The following GNB1 variants were observed in gnomAD, a reference collection of about 807,000 sequenced individuals.
GNB1 encodes the protein G protein subunit beta 1.
Under a neutral mutation model 42.9 loss-of-function variants are expected in GNB1, and 2 were observed. The observed-to-expected ratio is 0.05, with a 90% CI of 0.02 to 0.15. The LOEUF is 0.15. GNB1 is among the 10% of genes least tolerant of loss of function. The pLI is 1.00. For missense variants in GNB1, 193 were observed against 462.2 expected (o/e 0.42, Z 5.34); for synonymous variants, 183 against 174.7 (o/e 1.05, Z -0.38).
intron 1 of GNB1, among the ~76,000 whole-genome samples, chr1:1,873,154 C>T (rs932964180): frequency 6.6e-6 from 1 of 152,138 alleles, no homozygotes; most frequent in Non-Finnish European, 1.5e-5. Flanking sequence ...CCCACCTTGG[C>T]CTCCCAAAGG....
chr1:1,847,408 C>T (rs1040687004), intron 1 of GNB1, among the ~76,000 whole-genome samples: 5 of 151,986 alleles, frequency 3.3e-5, no homozygotes, highest in African/African-American at 9.7e-5. Flanking sequence ...TGGACAAGGC[C>T]CCTGGCCACT....
chr1:1,830,265 AT>A (rs746065828), intron 2 of GNB1, among the ~76,000 whole-genome samples: 2,515 of 143,630 alleles, frequency 0.018, 55 homozygotes, highest in African/African-American at 0.052. Context: ...ATAATATTAC[AT>A]TTTTTTTTTT....
At chr1:1,799,474 G>T (rs565323885) in intron 7 of GNB1, among the ~76,000 whole-genome samples, 1 of 152,288 alleles carries the variant, frequency 6.6e-6, no homozygotes, top group East Asian at 1.9e-4. Flanking sequence ...TCATGGGAAG[G>T]GACTGCTGAA....
chr1:1,891,011 GCTC>G lies in GNB1; in HGVS notation c.-290_-288del. 6.5e-6 allele frequency: 1 copy of G among 152,860 alleles called. No homozygotes were observed. The highest frequency in any genetic ancestry group is 1.4e-5 in the Non-Finnish European group (1 of 69,972). 9.5% of individuals were successfully genotyped at this position (152,860 alleles called of 1,614,324 possible). The stretch of plus-strand genomic sequence containing the variant: ...CGCTCCCCACTCGCCGCCCGCTCCC[GCTC>G]CCGCCGCCGCCGCCGCCGCCTCCGT... On this transcript the variant is annotated 5_prime_UTR_variant, in exon 1 of 12. Coordinates refer to ENST00000378609, the MANE Select transcript of GNB1 (RefSeq NM_002074.5).
chr1:1,837,785 G>A (rs985422816), intron 2 of GNB1, among the ~76,000 whole-genome samples: 1 of 151,112 alleles, frequency 6.6e-6, no homozygotes, highest in Non-Finnish European at 1.5e-5. Context: ...GGATGGTCTC[G>A]ATCTCCAGAC....
intron 1 of GNB1, among the ~76,000 whole-genome samples, chr1:1,869,495 A>T (rs1649130286): frequency 6.6e-6 from 1 of 152,216 alleles, no homozygotes; most frequent in African/African-American, 2.4e-5. Flanking sequence ...CCAGCAACAC[A>T]GGTCCATCAG....
At chr1:1,808,775 C>G (rs540182901) in intron 5 of GNB1, among the ~76,000 whole-genome samples, 2 of 152,180 alleles carry the variant, frequency 1.3e-5, no homozygotes, top group East Asian at 3.9e-4. Context: ...TCCCAAGTAG[C>G]TGGGATTACA....
chr1:1,867,180 T>C (rs966823962), intron 1 of GNB1, among the ~76,000 whole-genome samples: 1 of 152,078 alleles, frequency 6.6e-6, no homozygotes, highest in African/African-American at 2.4e-5. Context: ...GGCAGAAGAA[T>C]TGCTTGAACC....
rs1239224314 is a variant in GNB1, at chr1:1,815,037, G to A, written c.203+719C>T. On this transcript the variant is annotated intron_variant, in intron 5 of 11. Transcript: ENST00000378609. ...TGAGGCAGGAGAATGGCGTGAACCC[G>A]GGAGGCGGAGCTTGCAGTGAGCCGA... is the stretch of plus-strand genomic sequence containing the variant. Among the ~76,000 whole-genome samples, 4 of 151,350 alleles carry A rather than the reference G, an allele frequency of 2.6e-5. No homozygotes were observed. In the East Asian group the frequency reaches 7.8e-4, roughly 29 times the overall value.
intron 1 of GNB1, among the ~76,000 whole-genome samples, chr1:1,850,685 T>C (rs1647933420): frequency 6.6e-6 from 1 of 152,124 alleles, no homozygotes; most frequent in Admixed American, 6.6e-5. Context: ...TTTTACCACA[T>C]CCATCACAGT....
intron 1 of GNB1, among the ~76,000 whole-genome samples, chr1:1,876,835 C>T (rs897561173): frequency 2.0e-5 from 3 of 152,124 alleles, no homozygotes; most frequent in South Asian, 2.1e-4. Context: ...AAGGTAGAGA[C>T]GTTCAGTAAC....
intron 2 of GNB1, among the ~76,000 whole-genome samples, chr1:1,826,536 A>G (rs2101004089): frequency 6.6e-6 from 1 of 152,288 alleles, no homozygotes. Flanking sequence ...AAGCCACCTC[A>G]TCTCAGTAAC....
chr1:1,867,653 C>G (rs928611339), intron 1 of GNB1, among the ~76,000 whole-genome samples: 4 of 151,986 alleles, frequency 2.6e-5, no homozygotes, highest in Admixed American at 6.6e-5. Context: ...AAATAATAAC[C>G]CTTTATCATA....
At chr1:1,885,619 C>A (rs1387248712) in intron 1 of GNB1, among the ~76,000 whole-genome samples, 4 of 140,036 alleles carry the variant, frequency 2.9e-5, no homozygotes, top group Non-Finnish European at 6.1e-5. Flanking sequence ...TGCAGTAGCA[C>A]GATCTCGGCT....
intron 1 of GNB1, among the ~76,000 whole-genome samples, chr1:1,840,276 C>T (rs998471937): frequency 1.6e-4 from 24 of 151,508 alleles, no homozygotes; most frequent in African/African-American, 5.8e-4. Context: ...TGCCTGTAAT[C>T]CCAGCACTTT....
chr1:1,870,382 C>T (rs1056784025), intron 1 of GNB1, among the ~76,000 whole-genome samples: 11 of 151,918 alleles, frequency 7.2e-5, no homozygotes, highest in African/African-American at 2.4e-4. Flanking sequence ...CTACATTGTG[C>T]CCAGGCTGGT....
chr1:1,861,105 T>C (rs1479145027), intron 1 of GNB1, among the ~76,000 whole-genome samples: 1 of 75,826 alleles, frequency 1.3e-5, no homozygotes, highest in Non-Finnish European at 3.3e-5. Context: ...CGAGACTCTG[T>C]CTCACAAAAA....
chr1:1,838,277 AT>A (rs1647178062), intron 2 of GNB1, among the ~76,000 whole-genome samples: 1 of 152,198 alleles, frequency 6.6e-6, no homozygotes, highest in Non-Finnish European at 1.5e-5. Flanking sequence ...TTAATTTAAA[AT>A]TATTTCAAAC....
In GNB1 at chr1:1,804,283, A is replaced by T. The variant is rs535850973; in HGVS notation, c.430+136T>A. ...CACCGCACTCCAGCCTGGGTGACAG[A>T]GCGAGACTCCGCCTCAAAAAAAATA... On this transcript the variant is annotated intron_variant, in intron 7 of 11. Transcript: ENST00000378609. 1.9e-4 allele frequency: 118 copies of T among 612,374 alleles called. 1 individual carries two copies. In the East Asian group the frequency reaches 3.7e-3, roughly 19 times the overall value. The allele number at this position is 612,374 out of a possible 1,614,324, so 37.9% of individuals were successfully genotyped here. A position where few individuals can be genotyped will look rare whatever the true frequency, so the allele number is the denominator to read the frequency against.
Sources: gnomAD v4.1 joint callset for allele counts (sites outside exome capture counted in the v4.1 genomes callset) on GRCh38, gnomAD v4.1.1 for gene constraint, MANE v1.5 for transcripts, NCBI Gene and HGNC (gene_info 2026-07-23, HGNC 2026-07-21) for gene names.